The following ADCY2 variants were observed in gnomAD, a reference collection of about 807,000 sequenced individuals.
The protein encoded by ADCY2 is adenylate cyclase 2.
ADCY2 carries 31 observed loss-of-function variants against 125.2 expected under a neutral mutation model. The ratio of observed to expected loss-of-function variants is 0.25; its 90% confidence interval spans 0.19 to 0.33. ADCY2 has a LOEUF of 0.33. Ranked by LOEUF, ADCY2 falls within the 10% of genes least tolerant of loss-of-function variation. The pLI is 1.00. For missense variants in ADCY2, 904 were observed against 1,418.2 expected, an observed-to-expected ratio of 0.64 and a Z score of 5.82; for synonymous variants, 512 against 548.4, an observed-to-expected ratio of 0.93 and a Z score of 0.93.
At chr5:7,784,333 T>C in intron 18 of ADCY2, 32 bp from the exon 19 acceptor site, 3 of 1,514,844 alleles carry the variant, frequency 2.0e-6, no homozygotes, top group Non-Finnish European at 2.7e-6. Context: ...TTTGTTGCAT[T>C]GTTGTCTGTT....
chr5:7,743,829 A>C (rs1742518217), intron 15 of ADCY2, 77 bp downstream of exon 15: 2 of 1,412,768 alleles, frequency 1.4e-6, no homozygotes, highest in Non-Finnish European at 2.0e-6. Flanking sequence ...AAAACTTTCC[A>C]AAACAAGGAG....
intron 2 of ADCY2, among the ~76,000 whole-genome samples, chr5:7,442,549 GAGAT>G (rs1465898387): frequency 1.3e-5 from 2 of 152,156 alleles, no homozygotes; most frequent in East Asian, 3.9e-4. Context: ...TCCTGGGACT[GAGAT>G]AGATCAGTGG....
chr5:7,651,120 G>A (rs1043358722), intron 4 of ADCY2, among the ~76,000 whole-genome samples: 2 of 152,128 alleles, frequency 1.3e-5, no homozygotes, highest in African/African-American at 4.8e-5. Context: ...CAGCATCAAA[G>A]CATTCTTCTT....
intron 2 of ADCY2, among the ~76,000 whole-genome samples, chr5:7,416,563 A>T (rs1739955332): frequency 6.6e-6 from 1 of 152,254 alleles, no homozygotes; most frequent in African/African-American, 2.4e-5. Flanking sequence ...AATTCTAATT[A>T]TCTGCAGATG....
At chr5:7,748,204 C>T (rs6898767) in intron 15 of ADCY2, among the ~76,000 whole-genome samples, 14,241 of 152,152 alleles carry the variant, frequency 0.094, 1,705 homozygotes, top group African/African-American at 0.28. Flanking sequence ...CTCCAGATGG[C>T]TTAGCAGGAG....
In ADCY2 at chr5:7,816,922, G is replaced by T. The variant is rs1561036483; in HGVS notation, c.2940G>T (p.Leu980=). Residue 980 remains leucine, a synonymous_variant, in exon 23 of 25, where the codon CTG becomes CTT. Transcript: ENST00000338316. ...IGTMVEFAFA[L]VGKLDAINKH... is the part of the protein sequence containing the mutation. ...CCATGGTGGAGTTTGCTTTTGCCCT[G>T]GTAGGGAAGCTGGATGCCATCAACA... is the stretch of plus-strand genomic sequence containing the variant. The T allele has an allele frequency of 1.9e-6, 3 of 1,614,012 alleles. No individual in the cohort carries two copies. Among genetic ancestry groups the T allele is most frequent in the Non-Finnish European group, 2.5e-6 (3 of 1,180,012 alleles).
In ADCY2 at chr5:7,805,161, C is replaced by CAA. The variant is rs35073546; in HGVS notation, c.2883+480_2883+481dup. Among the ~76,000 whole-genome samples, 293 of 141,674 alleles carry CAA rather than the reference C, an allele frequency of 2.1e-3. 1 individual carries two copies. Among genetic ancestry groups the CAA allele is most frequent in the African/African-American group, 6.4e-3 (249 of 39,102 alleles). 92.9% of individuals were successfully genotyped at this position (141,674 alleles called of 152,430 possible). ...TGAAACCCCGTCTTTACCAAAAATA[C>CAA]AAAAAAAAAAAATAGCCAGGTGTGG... On this transcript the variant is annotated intron_variant, in intron 22 of 24. Transcript: ENST00000338316.
rs147771078 is a variant in ADCY2, at chr5:7,655,412, G to A, written c.720+29096G>A. Among the ~76,000 whole-genome samples the A allele has an allele frequency of 6.9e-3, 1,045 of 152,298 alleles. 13 individuals are homozygous for A. Among genetic ancestry groups the A allele is most frequent in the African/African-American group, 0.024 (1,012 of 41,558 alleles). On this transcript the variant is annotated intron_variant, in intron 4 of 24. Transcript: ENST00000338316. ...CTGGAGGCCCAGGAAAGCCAGTGGT[G>A]TGACCCAGGCCAAATCTGAAGGCCT...
chr5:7,654,086 A>G (rs1739200626), intron 4 of ADCY2: 1 of 456,106 alleles, frequency 2.2e-6, no homozygotes, highest in African/African-American at 2.0e-5. Flanking sequence ...TACCACCCTG[A>G]GGCTGGGCGC....
intron 3 of ADCY2, among the ~76,000 whole-genome samples, chr5:7,583,298 T>C (rs1377758734): frequency 6.6e-6 from 1 of 152,108 alleles, no homozygotes; most frequent in Non-Finnish European, 1.5e-5. Context: ...TCAATCTTAA[T>C]GGTAAGCTCA....
Position 7,772,952 on chromosome 5 carries a change from T to C in ADCY2, c.2235T>C (p.Ile745=), listed in dbSNP as rs1743598679. The C allele has an allele frequency of 6.2e-7, 1 of 1,614,136 alleles. No individual in the cohort carries two copies. The highest frequency in any genetic ancestry group is 8.5e-7 in the Non-Finnish European group (1 of 1,180,022). The change falls in exon 18 of 25, where the codon ATT becomes ATC. Residue 745 remains isoleucine, a synonymous_variant. Coordinates refer to ENST00000338316, the MANE Select transcript of ADCY2 (RefSeq NM_020546.3). ...FFLPYFIYSC[I]LGLISCSVFL... ...TTCAGTACTTTATCTACAGCTGCAT[T>C]CTGGGACTGATATCCTGTTCCGTGT...
At chr5:7,586,219 T>A (rs1026983678) in intron 3 of ADCY2, among the ~76,000 whole-genome samples, 3 of 152,236 alleles carry the variant, frequency 2.0e-5, no homozygotes, top group Non-Finnish European at 4.4e-5. Context: ...CTCGTTTTCC[T>A]TTTGTTCTGG....
rs137937314 is a variant in ADCY2, at chr5:7,562,642, C to T, written c.570+41743C>T. Among the ~76,000 whole-genome samples, 179 of 152,174 alleles carry T rather than the reference C, an allele frequency of 1.2e-3. 1 individual carries two copies. Among genetic ancestry groups the T allele is most frequent in the African/African-American group, 4.1e-3 (170 of 41,452 alleles). On this transcript the variant is annotated intron_variant, in intron 3 of 24. Transcript: ENST00000338316. ...ACACACGTGTACACAGACAGACAGA[C>T]ATAGACAGACACACACACACACGGC... is the stretch of plus-strand genomic sequence containing the variant.
chr5:7,740,636 A>G (rs1308126582), intron 14 of ADCY2, among the ~76,000 whole-genome samples: 1 of 152,138 alleles, frequency 6.6e-6, no homozygotes, highest in Non-Finnish European at 1.5e-5. Context: ...ATAAAATCAA[A>G]TGAAATTAGA....
chr5:7,514,784 A>C (rs756227621), intron 2 of ADCY2, among the ~76,000 whole-genome samples: 1 of 152,204 alleles, frequency 6.6e-6, no homozygotes, highest in Non-Finnish European at 1.5e-5. Flanking sequence ...AAGGCCATGT[A>C]AGATGGCAGT....
At chr5:7,522,365 A>T (rs1744474778) in intron 3 of ADCY2, 1 of 152,106 alleles carries the variant, frequency 6.6e-6, no homozygotes, top group African/African-American at 2.4e-5. Flanking sequence ...GCCCCTGGAA[A>T]CCACCCTTCT....
chr5:7,443,639 C>CAAAAAAAA (rs56089574), intron 2 of ADCY2, among the ~76,000 whole-genome samples: 2 of 51,220 alleles, frequency 3.9e-5, no homozygotes, highest in African/African-American at 1.8e-4. Flanking sequence ...GACTCTGTCT[C>CAAAAAAAA]AAAAAAAAAA....
At chr5:7,675,015 C>T (rs1017999649) in intron 4 of ADCY2, among the ~76,000 whole-genome samples, 2 of 151,858 alleles carry the variant, frequency 1.3e-5, no homozygotes, top group Non-Finnish European at 2.9e-5. Flanking sequence ...ATTAGCTGGG[C>T]GTGGTGGCGG....
intron 2 of ADCY2, among the ~76,000 whole-genome samples, chr5:7,507,223 C>T (rs1452842846): frequency 1.4e-5 from 2 of 147,698 alleles, no homozygotes; most frequent in African/African-American, 5.0e-5. Flanking sequence ...GGGCGGATCA[C>T]GAGGTCAGGA....
Sources: allele counts gnomAD v4.1 joint callset (sites outside exome capture counted in the v4.1 genomes callset), GRCh38; gene constraint gnomAD v4.1.1; transcripts MANE v1.5; gene names NCBI Gene and HGNC (gene_info 2026-07-23, HGNC 2026-07-21).